The following MLIP variants were observed in gnomAD, a reference collection of about 807,000 sequenced individuals.
MLIP encodes the protein muscular LMNA interacting protein.
Under a neutral mutation model 84.8 loss-of-function variants are expected in MLIP, and 79 were observed. The observed-to-expected ratio is 0.93, with a 90% CI of 0.78 to 1.12. MLIP has a LOEUF of 1.12. Ranked by LOEUF, MLIP falls within the 50% of genes most tolerant of loss-of-function variation. MLIP has a pLI of 0.00. For missense variants in MLIP, 1,257 were observed against 1,160.6 expected (o/e 1.08, Z -1.21); for synonymous variants, 504 against 463.0 (o/e 1.09, Z -1.14).
chr6:54,028,802 C>G (rs1425370231), intron 1 of MLIP: 1 of 152,234 alleles, frequency 6.6e-6, no homozygotes, highest in Non-Finnish European at 1.5e-5. Context: ...CCCTTCTTTA[C>G]AGTCATGCCT....
Position 54,230,737 on chromosome 6 carries a change from T to C in MLIP, c.2742T>C (p.Pro914=). 1.2e-6 allele frequency: 2 copies of C among 1,614,126 alleles called. No individual in the cohort carries two copies. The highest frequency in any genetic ancestry group is 1.7e-6 in the Non-Finnish European group (2 of 1,179,982). The change falls in exon 12 of 14, where the codon CCT becomes CCC. Residue 914 remains proline, a synonymous_variant. Transcript: ENST00000502396. ...AGGATGTAACAGTCCCTCCCAAGCC[T>C]GTCTCGCTCCATCCTTTATATCAGA... ...SEQDVTVPPK[P]VSLHPLYQTK... is the part of the protein sequence containing the mutation.
chr6:54,111,558 A>T lies in MLIP; in HGVS notation c.79A>T (p.Ile27Phe), dbSNP rs1370713767. 2.0e-6 allele frequency: 3 copies of T among 1,536,078 alleles called. No individual in the cohort carries two copies. Among genetic ancestry groups the T allele is most frequent in the Non-Finnish European group, 2.6e-6 (3 of 1,146,868 alleles). The change falls in exon 1 of 14, where the codon ATT becomes TTT. Residue 27 changes from isoleucine to phenylalanine, a missense_variant. Coordinates refer to ENST00000502396, the MANE Select transcript of MLIP (RefSeq NM_001281747.2). ...GACCTCGTGCATCTTATCAGGGAGC[A>T]TTCAGACCACACCCCAGGTAAAAGG... is the stretch of plus-strand genomic sequence containing the variant. ...QMTSCILSGS[I>F]QTTPQVSAGG...
intron 12 of MLIP, among the ~76,000 whole-genome samples, chr6:54,231,310 A>G (rs1268994066): frequency 6.6e-6 from 1 of 152,184 alleles, no homozygotes; most frequent in Non-Finnish European, 1.5e-5. Context: ...AGGCACTTAT[A>G]ATTAGAGTCA....
intron 1 of MLIP, among the ~76,000 whole-genome samples, chr6:54,070,900 A>G (rs992445188): frequency 6.6e-6 from 1 of 152,216 alleles, no homozygotes; most frequent in African/African-American, 2.4e-5. Context: ...GCCTAATTCT[A>G]CACTGGTTGA....
intron 9 of MLIP, among the ~76,000 whole-genome samples, chr6:54,178,642 A>G (rs1162006170): frequency 2.6e-5 from 4 of 152,078 alleles, no homozygotes; most frequent in Non-Finnish European, 5.9e-5. Flanking sequence ...TAATTTCTTC[A>G]TTGACCCACT....
chr6:54,101,805 ATT>A (rs1219661108), intron 1 of MLIP, among the ~76,000 whole-genome samples: 3 of 152,142 alleles, frequency 2.0e-5, no homozygotes, highest in Admixed American at 2.0e-4. Context: ...ATTCTTTGAT[ATT>A]CTTCATCTCA....
intron 1 of MLIP, among the ~76,000 whole-genome samples, chr6:54,101,142 G>A (rs1448755163): frequency 6.6e-6 from 1 of 152,104 alleles, no homozygotes; most frequent in Non-Finnish European, 1.5e-5. Context: ...TTGTGGACAA[G>A]AGTCACAGGG....
intron 12 of MLIP, among the ~76,000 whole-genome samples, chr6:54,241,423 A>G (rs556938874): frequency 6.6e-6 from 1 of 152,142 alleles, no homozygotes; most frequent in South Asian, 2.1e-4. Context: ...AATTGTCCCC[A>G]TGTGCTTGTA....
chr6:54,112,284 TG>T (rs1769531095), intron 1 of MLIP, among the ~76,000 whole-genome samples: 1 of 152,234 alleles, frequency 6.6e-6, no homozygotes, highest in South Asian at 2.1e-4. Context: ...AATATTTTTT[TG>T]TTCTCTCCTA....
intron 1 of MLIP, among the ~76,000 whole-genome samples, chr6:54,059,266 G>A (rs1765830619): frequency 6.6e-6 from 1 of 152,108 alleles, no homozygotes; most frequent in African/African-American, 2.4e-5. Context: ...ATTAACTCAG[G>A]CTTTTACTCA....
At chr6:54,194,345 G>T (rs1301643230) in intron 10 of MLIP, among the ~76,000 whole-genome samples, 1 of 152,052 alleles carries the variant, frequency 6.6e-6, no homozygotes, top group Non-Finnish European at 1.5e-5. Flanking sequence ...TTGACATAAC[G>T]TACTTAAGTG....
intron 1 of MLIP, among the ~76,000 whole-genome samples, chr6:54,119,518 G>A (rs1770250967): frequency 6.6e-6 from 1 of 152,112 alleles, no homozygotes. Flanking sequence ...TAAAATAGTG[G>A]TTACCAGAGG....
chr6:54,180,368 G>A (rs1462656456), intron 9 of MLIP, among the ~76,000 whole-genome samples: 2 of 151,966 alleles, frequency 1.3e-5, no homozygotes, highest in Non-Finnish European at 2.9e-5. Flanking sequence ...CTTTCTCTAG[G>A]TTTGGGAAAT....
intron 12 of MLIP, among the ~76,000 whole-genome samples, chr6:54,233,511 T>A (rs1034590767): frequency 6.6e-6 from 1 of 152,232 alleles, no homozygotes; most frequent in African/African-American, 2.4e-5. Flanking sequence ...CATGAACTCA[T>A]CCCTTTTTAT....
intron 5 of MLIP, among the ~76,000 whole-genome samples, chr6:54,153,851 C>CA (rs3996974): frequency 0.35 from 40,923 of 117,670 alleles, 7,744 homozygotes; most frequent in East Asian, 0.68. Flanking sequence ...GACTCAGTCT[C>CA]AAAAAAAAAA....
chr6:54,222,359 A>G (rs1780275464), intron 11 of MLIP, among the ~76,000 whole-genome samples: 1 of 152,006 alleles, frequency 6.6e-6, no homozygotes, highest in African/African-American at 2.4e-5. Context: ...CTTTTGATTA[A>G]CAGTGACCCA....
At chr6:54,193,351 G>T (rs1260754035) in intron 10 of MLIP, among the ~76,000 whole-genome samples, 2 of 152,168 alleles carry the variant, frequency 1.3e-5, no homozygotes, top group Non-Finnish European at 2.9e-5. Flanking sequence ...ATGTGGAGTT[G>T]TCAGTATACT....
chr6:54,109,077 C>T (rs1314859527), upstream of MLIP, among the ~76,000 whole-genome samples: 1 of 149,074 alleles, frequency 6.7e-6, no homozygotes, highest in Admixed American at 6.7e-5. Flanking sequence ...ATATATAAAT[C>T]AAAACACCAA....
chr6:54,143,946 A>C (rs778052215), intron 4 of MLIP, among the ~76,000 whole-genome samples: 9 of 152,176 alleles, frequency 5.9e-5, no homozygotes, highest in Non-Finnish European at 7.3e-5. Context: ...AAAATTATGC[A>C]TTTAAGGTGT....
Sources: allele counts gnomAD v4.1 joint callset (sites outside exome capture counted in the v4.1 genomes callset), GRCh38; gene constraint gnomAD v4.1.1; transcripts MANE v1.5; gene names NCBI Gene and HGNC (gene_info 2026-07-23, HGNC 2026-07-21).